RICTOR: variants seen among roughly 807,000 people sequenced by gnomAD.
RICTOR encodes the protein RPTOR independent companion of MTOR complex 2.
Under a neutral mutation model 214.9 loss-of-function variants are expected in RICTOR, and 49 were observed. That is an observed-to-expected ratio of 0.23 (90% CI 0.18 to 0.29). RICTOR has a LOEUF of 0.29. Ranked by LOEUF, RICTOR falls within the 10% of genes least tolerant of loss-of-function variation. The pLI is 1.00. For synonymous variants in RICTOR, 717 were observed against 711.3 expected (o/e 1.01, Z -0.13); for missense variants, 1,625 against 2,047.0 (o/e 0.79, Z 3.98).
intron 5 of RICTOR, among the ~76,000 whole-genome samples, chr5:38,998,366 A>C (rs1167655313): frequency 6.6e-6 from 1 of 152,094 alleles, no homozygotes; most frequent in East Asian, 1.9e-4. Flanking sequence ...TTGTTTTCTT[A>C]ATAGAGACAG....
rs750339831 is a variant in RICTOR at position 38,964,778 on chromosome 5, G to A, written c.1400+14C>T. 8.8e-6 allele frequency: 12 copies of A among 1,369,316 alleles called. No individual in the cohort carries two copies. The South Asian group carries it at 1.5e-4, about 17-fold the overall frequency. The allele number at this position is 1,369,316 out of a possible 1,614,324, so 84.8% of individuals were successfully genotyped here. Reference sequence around the variant, plus strand: ...TATATCAAACAAAAGCTTTGCTAAAGCTCTGATACTTACAGTCTCTTTTCC... The same window carrying A: ...TATATCAAACAAAAGCTTTGCTAAAACTCTGATACTTACAGTCTCTTTTCC... On this transcript the variant is annotated intron_variant, in intron 16 of 37. Coordinates refer to ENST00000357387, the MANE Select transcript of RICTOR (RefSeq NM_152756.5).
In RICTOR at chr5:38,977,592, C is replaced by CTTT. The variant is rs34467191; in HGVS notation, c.821+988_821+990dup. ...GGATGTGACTGAAGGTATGAAACCA[C>CTTT]TTTTTTTTTTTTTTTTTTTTTTTGA... On this transcript the variant is annotated intron_variant, in intron 9 of 37. Transcript: ENST00000357387. 5.0e-3 allele frequency among the ~76,000 whole-genome samples: 413 copies of CTTT among 83,210 alleles called. 1 individual carries two copies. The highest frequency in any genetic ancestry group is 6.1e-3 in the Non-Finnish European group (274 of 44,798). The allele number at this position is 83,210 out of a possible 152,430, so 54.6% of individuals were successfully genotyped here.
At chr5:38,958,321 T>A in intron 24 of RICTOR, 122 bp downstream of exon 24, 2 of 647,954 alleles carry the variant, frequency 3.1e-6, no homozygotes. Flanking sequence ...GAAAAGACAA[T>A]GTTTCAATAT....
At chr5:39,015,235 G>A (rs971742620) in intron 3 of RICTOR, among the ~76,000 whole-genome samples, 17 of 151,994 alleles carry the variant, frequency 1.1e-4, no homozygotes, top group African/African-American at 4.1e-4. Flanking sequence ...ATTCTATAGA[G>A]CTATTCTCAG....
intron 1 of RICTOR, 83 bp downstream of exon 1, chr5:39,074,246 T>G: frequency 6.3e-7 from 1 of 1,580,812 alleles, no homozygotes; most frequent in South Asian, 1.1e-5. Context: ...CCCGGCTCGC[T>G]CCCCAACCCA....
intron 5 of RICTOR, among the ~76,000 whole-genome samples, chr5:39,001,073 G>A (rs1753579372): frequency 6.6e-6 from 1 of 152,110 alleles, no homozygotes; most frequent in East Asian, 1.9e-4. Context: ...TAAAATCCCA[G>A]CAAGTTATGT....
intron 10 of RICTOR, among the ~76,000 whole-genome samples, chr5:38,972,381 A>C (rs1750859350): frequency 6.6e-6 from 1 of 152,220 alleles, no homozygotes; most frequent in Non-Finnish European, 1.5e-5. Context: ...CATGAGTATA[A>C]GTAATAGACT....
chr5:38,960,149 G>A (rs775012298), intron 20 of RICTOR, among the ~76,000 whole-genome samples, 171 bp from the exon 21 acceptor site: 2 of 152,106 alleles, frequency 1.3e-5, no homozygotes, highest in Non-Finnish European at 2.9e-5. Flanking sequence ...ATGCTGCATG[G>A]AGATGATATT....
intron 2 of RICTOR, among the ~76,000 whole-genome samples, chr5:39,073,024 G>A (rs775796256): frequency 6.6e-6 from 1 of 152,216 alleles, no homozygotes; most frequent in Non-Finnish European, 1.5e-5. Context: ...CACTCTAGCC[G>A]TTGTCAACAA....
intron 19 of RICTOR, among the ~76,000 whole-genome samples, chr5:38,961,690 C>G (rs1749808763): frequency 1.3e-5 from 2 of 151,972 alleles, no homozygotes; most frequent in Non-Finnish European, 1.5e-5. Context: ...TTTCTTAAAA[C>G]TTTTATAGAT....
chr5:39,040,060 A>G (rs1305270914), intron 2 of RICTOR, among the ~76,000 whole-genome samples: 1 of 152,204 alleles, frequency 6.6e-6, no homozygotes, highest in Non-Finnish European at 1.5e-5. Flanking sequence ...AAGACTTGGA[A>G]CCAAGCCAAA....
chr5:38,994,736 T>TG (rs70982530), intron 6 of RICTOR, among the ~76,000 whole-genome samples: 1 of 149,428 alleles, frequency 6.7e-6, no homozygotes, highest in Non-Finnish European at 1.5e-5. Flanking sequence ...AATTAAAAAC[T>TG]ACTTTAAATT....
In RICTOR at chr5:39,074,097, G is replaced by A. The variant is rs533160310; in HGVS notation, c.97+14C>T. ...GCAGCGCGCCCTCGCGGCGCCCGCG[G>A]CGCCCCGCGTTACCTCGGGTCAGAT... On this transcript the variant is annotated intron_variant, in intron 2 of 37. Coordinates refer to ENST00000357387, the MANE Select transcript of RICTOR (RefSeq NM_152756.5). The A allele has an allele frequency of 3.8e-6, 6 of 1,562,026 alleles. No homozygotes were observed. The African/African-American group carries it at 4.3e-5, about 11-fold the overall frequency.
chr5:38,952,859 G>A (rs1748911158), intron 29 of RICTOR, 126 bp downstream of exon 29: 3 of 590,230 alleles, frequency 5.1e-6, no homozygotes, highest in Non-Finnish European at 9.1e-6. Context: ...TAATAATCTT[G>A]TATCATTAGA....
chr5:38,981,818 A>T (rs774069630), intron 8 of RICTOR, 49 bp downstream of exon 8: 1 of 1,278,796 alleles, frequency 7.8e-7, no homozygotes, highest in South Asian at 1.4e-5. Context: ...GTAAAAGTAT[A>T]CATTTATAAT....
At chr5:39,025,070 G>C (rs979268947) in intron 2 of RICTOR, among the ~76,000 whole-genome samples, 1 of 150,104 alleles carries the variant, frequency 6.7e-6, no homozygotes, top group African/African-American at 2.5e-5. Flanking sequence ...ACTCAACAAT[G>C]AGTCAAATGT....
chr5:39,006,726 G>A (rs1187399707), intron 3 of RICTOR, among the ~76,000 whole-genome samples: 1 of 52,394 alleles, frequency 1.9e-5, no homozygotes, highest in Admixed American at 1.4e-4. Flanking sequence ...GGGAGAGGAG[G>A]GGAGAGGAGG....
At chr5:38,949,554 G>T in intron 31 of RICTOR, 158 bp downstream of exon 31, 1 of 1,050,526 alleles carries the variant, frequency 9.5e-7, no homozygotes, top group Non-Finnish European at 1.4e-6. Flanking sequence ...TCCATTTCAA[G>T]TCATATCGGG....
chr5:39,024,305 T>C (rs930256720), intron 2 of RICTOR, among the ~76,000 whole-genome samples: 2 of 152,146 alleles, frequency 1.3e-5, no homozygotes, highest in Non-Finnish European at 2.9e-5. Context: ...TATGTCTTTA[T>C]ACTTAGAGAT....
Sources: gnomAD v4.1 joint callset for allele counts (sites outside exome capture counted in the v4.1 genomes callset) on GRCh38, gnomAD v4.1.1 for gene constraint, MANE v1.5 for transcripts, NCBI Gene and HGNC (gene_info 2026-07-23, HGNC 2026-07-21) for gene names.